Variants in RB1 observed in about 807,000 individuals in gnomAD.
The protein encoded by RB1 is RB transcriptional corepressor 1, also known as retinoblastoma-associated protein.
RB1 carries 18 observed loss-of-function variants against 135.4 expected under a neutral mutation model. The ratio of observed to expected loss-of-function variants is 0.13; its 90% CI spans 0.09 to 0.20. The LOEUF (loss-of-function observed/expected upper bound fraction) is 0.20. Ranked by LOEUF, RB1 falls within the 10% of genes least tolerant of loss-of-function variation. RB1 has a pLI of 1.00. For missense variants in RB1, 868 were observed against 1,110.0 expected, an observed-to-expected ratio of 0.78 and a Z score of 3.10; for synonymous variants, 365 against 373.2, an observed-to-expected ratio of 0.98 and a Z score of 0.25.
chr13:48,348,006 T>A (rs1952513529), intron 5 of RB1, 143 bp downstream of exon 5: 2 of 643,688 alleles, frequency 3.1e-6, no homozygotes, highest in Middle Eastern at 3.2e-4. Flanking sequence ...AAGTCCTGTG[T>A]AGATTATTTA....
chr13:48,321,389 G>T lies in RB1; in HGVS notation c.264+13983G>T, dbSNP rs1290966290. Reference sequence around the variant, plus strand: ...GGCAAGGGCCCTCCGCCCGGGCCCCGCCTCCCCGCGCGCCGCTGCCACCGC... The same window carrying T: ...GGCAAGGGCCCTCCGCCCGGGCCCCTCCTCCCCGCGCGCCGCTGCCACCGC... On this transcript the variant is annotated intron_variant, in intron 2 of 26. Coordinates refer to ENST00000267163, the MANE Select transcript of RB1 (RefSeq NM_000321.3). Among the ~76,000 whole-genome samples the T allele has an allele frequency of 2.9e-5, 4 of 136,650 alleles. No individual in the cohort carries two copies. In the South Asian group the frequency reaches 1.1e-3, roughly 37 times the overall value. 89.6% of individuals were successfully genotyped at this position (136,650 alleles called of 152,430 possible). A position where few individuals can be genotyped will look rare whatever the true frequency, so the allele number is the denominator to read the frequency against.
At chr13:48,373,521 G>A (rs2138131483) in intron 12 of RB1, 29 bp downstream of exon 12, 1 of 1,386,370 alleles carries the variant, frequency 7.2e-7, no homozygotes, top group Middle Eastern at 1.9e-4. Context: ...ATTATTTATT[G>A]TAATATCTTG....
chr13:48,411,807 A>C (rs756223273), intron 17 of RB1: 1 of 1,612,874 alleles, frequency 6.2e-7, no homozygotes, highest in East Asian at 2.2e-5. Flanking sequence ...TTTTAGCACC[A>C]TACTAGAACA....
At chr13:48,373,046 T>C (rs1379815615) in intron 11 of RB1, among the ~76,000 whole-genome samples, 2 of 152,210 alleles carry the variant, frequency 1.3e-5, no homozygotes, top group African/African-American at 4.8e-5. Context: ...TTGTCTTTAA[T>C]TTGAAAATGT....
intron 5 of RB1, 152 bp from the exon 6 acceptor site, chr13:48,348,804 G>A (rs1952520827): frequency 1.3e-6 from 1 of 790,440 alleles, no homozygotes; most frequent in Admixed American, 3.2e-5. Flanking sequence ...TGTAAATTAT[G>A]CAATTAAAAT....
At chr13:48,393,778 A>T (rs773225713) in intron 17 of RB1, among the ~76,000 whole-genome samples, 11 of 151,850 alleles carry the variant, frequency 7.2e-5, no homozygotes, top group Non-Finnish European at 1.5e-4. Context: ...TTTTGTATTA[A>T]ATTTTGGTAC....
intron 10 of RB1, 65 bp downstream of exon 10, chr13:48,367,668 T>C (rs1487241314): frequency 4.5e-6 from 7 of 1,545,328 alleles, no homozygotes; most frequent in Non-Finnish European, 5.3e-6. Flanking sequence ...ATAGGTAGAT[T>C]ATATAGTCTT....
intron 2 of RB1, 50 bp from the exon 3 acceptor site, chr13:48,342,549 A>T: frequency 9.2e-7 from 1 of 1,081,154 alleles, no homozygotes. Flanking sequence ...CATAGTATCC[A>T]GTGTGTGAAT....
Position 48,332,688 on chromosome 13 carries a change from C to G in RB1, c.265-9911C>G, listed in dbSNP as rs1593428857. Reference sequence around the variant, plus strand: ...ATTCTTGAAATTCACTAAGAGAAATCTTAAGTATCCTTACGACATACACAC... The same window carrying G: ...ATTCTTGAAATTCACTAAGAGAAATGTTAAGTATCCTTACGACATACACAC... On this transcript the variant is annotated intron_variant, in intron 2 of 26. Coordinates refer to ENST00000267163, the MANE Select transcript of RB1 (RefSeq NM_000321.3). Among the ~76,000 whole-genome samples, 6 of 152,262 alleles carry G rather than the reference C, an allele frequency of 3.9e-5. 1 individual carries two copies. Among genetic ancestry groups the G allele is most frequent in the Admixed American group, 3.9e-4 (6 of 15,288 alleles).
chr13:48,379,232 G>C (rs992459304), intron 13 of RB1, among the ~76,000 whole-genome samples: 1 of 152,106 alleles, frequency 6.6e-6, no homozygotes, highest in Non-Finnish European at 1.5e-5. Context: ...GGAAATCCAG[G>C]TACTGGACCT....
chr13:48,334,464 A>G (rs2138072803), intron 2 of RB1, among the ~76,000 whole-genome samples: 1 of 152,232 alleles, frequency 6.6e-6, no homozygotes, highest in Non-Finnish European at 1.5e-5. Flanking sequence ...ATACCTTCAT[A>G]TTTCATTTAA....
intron 17 of RB1, among the ~76,000 whole-genome samples, chr13:48,387,285 A>G (rs1948578205): frequency 6.6e-6 from 1 of 152,212 alleles, no homozygotes; most frequent in South Asian, 2.1e-4. Context: ...TTATGTTAAC[A>G]TAATGGGTTT....
chr13:48,474,878 CCT>C (rs1167180353), intron 24 of RB1, among the ~76,000 whole-genome samples: 1 of 151,986 alleles, frequency 6.6e-6, no homozygotes, highest in South Asian at 2.1e-4. Flanking sequence ...TCTCCATTCC[CCT>C]GAGAGCTTAT....
chr13:48,339,550 G>A (rs949970543), intron 2 of RB1, among the ~76,000 whole-genome samples: 3 of 152,164 alleles, frequency 2.0e-5, no homozygotes, highest in African/African-American at 2.4e-5. Context: ...GGAGTGACCC[G>A]ATTTTCCAGG....
intron 17 of RB1, among the ~76,000 whole-genome samples, chr13:48,432,797 GGA>G (rs1949143765): frequency 6.6e-6 from 1 of 151,776 alleles, no homozygotes; most frequent in African/African-American, 2.4e-5. Context: ...TTATAATATA[GGA>G]GAGATATTAC....
chr13:48,329,526 T>C (rs1220301694), intron 2 of RB1, among the ~76,000 whole-genome samples: 1 of 152,196 alleles, frequency 6.6e-6, no homozygotes, highest in Non-Finnish European at 1.5e-5. Flanking sequence ...AGCAAACATA[T>C]AGGTTTTTTA....
chr13:48,320,943 G>T (rs565363646), intron 2 of RB1, among the ~76,000 whole-genome samples: 4 of 152,142 alleles, frequency 2.6e-5, no homozygotes, highest in East Asian at 1.9e-4. Flanking sequence ...TCAGGACGAC[G>T]TTACGCATAG....
rs1952679657 is a variant in RB1, at chr13:48,364,883, A to G, written c.862-11A>G. On this transcript the variant is annotated splice_polypyrimidine_tract_variant and intron_variant, in intron 8 of 26. Coordinates refer to ENST00000267163, the MANE Select transcript of RB1 (RefSeq NM_000321.3). ...ATTTTAATGATCATGTTGTAACTTC[A>G]TCTTTTTCAGGTGAAAAATGTTTAT... The G allele has an allele frequency of 6.5e-7, 1 of 1,550,016 alleles. No homozygotes were observed. Among genetic ancestry groups the G allele is most frequent in the Non-Finnish European group, 8.7e-7 (1 of 1,144,826 alleles).
intron 21 of RB1, among the ~76,000 whole-genome samples, 159 bp downstream of exon 21, chr13:48,463,994 A>C (rs1949421273): frequency 6.6e-6 from 1 of 152,150 alleles, no homozygotes; most frequent in African/African-American, 2.4e-5. Flanking sequence ...ATTTATTTGT[A>C]ACTTAAATAG....
Sources: gnomAD v4.1 joint callset for allele counts (sites outside exome capture counted in the v4.1 genomes callset) on GRCh38, gnomAD v4.1.1 for gene constraint, MANE v1.5 for transcripts, NCBI Gene and HGNC (gene_info 2026-07-23, HGNC 2026-07-21) for gene names.